STYK1: variants seen among roughly 807,000 people sequenced by gnomAD.
STYK1 encodes the protein STY kinase 1.
STYK1 carries 46 observed loss-of-function variants against 48.1 expected under a neutral mutation model. The ratio of observed to expected loss-of-function variants is 0.96; its 90% CI spans 0.75 to 1.22. STYK1 has a LOEUF of 1.22. STYK1 is among the 50% of genes most tolerant of loss of function. The pLI, the probability that STYK1 is intolerant of heterozygous loss-of-function variation, is 0.00. For missense variants in STYK1, 527 were observed against 521.1 expected (o/e 1.01, Z -0.11); for synonymous variants, 188 against 189.0 (o/e 0.99, Z 0.04).
chr12:10,637,824 A>G (rs1947502776), intron 1 of STYK1, among the ~76,000 whole-genome samples: 1 of 152,250 alleles, frequency 6.6e-6, no homozygotes, highest in Admixed American at 6.5e-5. Context: ...CAGAAACCAC[A>G]TGGCTTTGCC....
rs996313222 is a variant in STYK1, at chr12:10,644,648, T to TA, written c.-194-7453dup. ...ATTTTTTGGATTACAGTAGTGACAG[T>TA]AAAAAAAAGAAAAATAATGGATTGG... On this transcript the variant is annotated intron_variant, in intron 1 of 10. Transcript: ENST00000075503. Among the ~76,000 whole-genome samples the TA allele has an allele frequency of 2.1e-4, 32 of 151,768 alleles. No individual in the cohort carries two copies. In the East Asian group the frequency reaches 2.1e-3, roughly 10 times the overall value.
At chr12:10,660,706 C>T (rs924035625) in intron 1 of STYK1, among the ~76,000 whole-genome samples, 29 of 152,298 alleles carry the variant, frequency 1.9e-4, no homozygotes, top group African/African-American at 6.5e-4. Context: ...GACCTCTGGT[C>T]ATCCTCATTG....
chr12:10,623,141 G>A (rs1947316303), intron 8 of STYK1, among the ~76,000 whole-genome samples: 1 of 149,196 alleles, frequency 6.7e-6, no homozygotes, highest in African/African-American at 2.6e-5. Flanking sequence ...CCAAACCTAG[G>A]AAAAATATTA....
At chr12:10,632,618 G>A (rs749128332) in intron 4 of STYK1, among the ~76,000 whole-genome samples, 38 of 152,176 alleles carry the variant, frequency 2.5e-4, no homozygotes, top group Non-Finnish European at 1.3e-4. Context: ...AGGACTGACT[G>A]TATTAAAAGA....
At chr12:10,632,891 A>T (rs1329904353) in intron 4 of STYK1, among the ~76,000 whole-genome samples, 2 of 151,482 alleles carry the variant, frequency 1.3e-5, no homozygotes, top group African/African-American at 2.4e-5. Flanking sequence ...AGAAGACAGG[A>T]CTTGCCATTT....
intron 1 of STYK1, among the ~76,000 whole-genome samples, chr12:10,651,222 G>A (rs1331600916): frequency 6.6e-6 from 1 of 152,092 alleles, no homozygotes; most frequent in African/African-American, 2.4e-5. Context: ...GCGAAATGCT[G>A]GGCTCACTCA....
chr12:10,645,008 T>G (rs527509091), intron 1 of STYK1, among the ~76,000 whole-genome samples: 2 of 151,698 alleles, frequency 1.3e-5, no homozygotes, highest in South Asian at 4.2e-4. Flanking sequence ...TTCCAACGGA[T>G]AAGGGCTACA....
intron 1 of STYK1, among the ~76,000 whole-genome samples, chr12:10,669,588 AT>A (rs1343782920): frequency 6.6e-6 from 1 of 152,210 alleles, no homozygotes; most frequent in East Asian, 1.9e-4. Flanking sequence ...TTTTTTGGAC[AT>A]AAACCCAAAA....
chr12:10,621,961 A>G lies in STYK1; in HGVS notation c.979T>C (p.Tyr327His). 6.2e-7 allele frequency: 1 copy of G among 1,613,796 alleles called. No individual in the cohort carries two copies. Among genetic ancestry groups the G allele is most frequent in the Non-Finnish European group, 8.5e-7 (1 of 1,179,726 alleles). ...ATGCTGGTAGGAGGGACTTCAGGAT[A>G]CGGTGGTGCTCCTGTCATTACGAAA... is the stretch of plus-strand genomic sequence containing the variant. ...YEMVTLGAPP[Y>H]PEVPPTSILE... The change falls in exon 10 of 11, where the codon TAT becomes CAT. Residue 327 changes from tyrosine (Y) to histidine (H), a missense_variant. By Grantham distance (83) the Tyr-to-His change is moderately conservative. Coordinates refer to ENST00000075503, the MANE Select transcript of STYK1 (RefSeq NM_018423.3).
chr12:10,625,429 G>A (rs1474957440), intron 7 of STYK1, among the ~76,000 whole-genome samples: 1 of 152,110 alleles, frequency 6.6e-6, no homozygotes, highest in African/African-American at 2.4e-5. Flanking sequence ...ATGTTAGCCA[G>A]GATGGTCTCG....
rs33946697 is a variant in STYK1 at position 10,653,239 on chromosome 12, A to ATTTT, written c.-194-16047_-194-16044dup. Among the ~76,000 whole-genome samples the ATTTT allele has an allele frequency of 3.8e-3, 566 of 150,658 alleles. 1 individual carries two copies. The highest frequency in any genetic ancestry group is 6.0e-3 in the Admixed American group (91 of 15,162). On this transcript the variant is annotated intron_variant, in intron 1 of 10. Transcript: ENST00000075503. ...AGGTGCCCACCACCATGCCCAGCTA[A>ATTTT]TTTTTTTTTGTATTTTTTAGTAGGG...
rs188630604 is a variant in STYK1 at position 10,650,882 on chromosome 12, G to T, written c.-194-13686C>A. 6.6e-4 allele frequency among the ~76,000 whole-genome samples: 100 copies of T among 152,104 alleles called. 1 individual carries two copies. The highest frequency in any genetic ancestry group is 2.3e-3 in the African/African-American group (96 of 41,482). ...TAGCCGGGCGTGGTGGCACACACCTGTAGTCTCAGCTACTCAGGAGGCTGA... is the reference window on the plus strand; with the variant it reads ...TAGCCGGGCGTGGTGGCACACACCTTTAGTCTCAGCTACTCAGGAGGCTGA... On this transcript the variant is annotated intron_variant, in intron 1 of 10. Coordinates refer to ENST00000075503, the MANE Select transcript of STYK1 (RefSeq NM_018423.3).
intron 6 of STYK1, among the ~76,000 whole-genome samples, chr12:10,629,023 A>G (rs1483979634): frequency 2.0e-5 from 3 of 152,162 alleles, no homozygotes; most frequent in Non-Finnish European, 4.4e-5. Flanking sequence ...ATGTTTTCAC[A>G]TACATAATTT....
In STYK1 at chr12:10,672,552, T is replaced by C. The variant is rs912704006; in HGVS notation, c.-195+1414A>G. Among the ~76,000 whole-genome samples, 10 of 152,164 alleles carry C rather than the reference T, an allele frequency of 6.6e-5. No homozygotes were observed. Among genetic ancestry groups the C allele is most frequent in the African/African-American group, 2.4e-4 (10 of 41,432 alleles). On this transcript the variant is annotated intron_variant, in intron 1 of 10. Transcript: ENST00000075503. This position sits in a 1 kb window ranked among gnomAD's most constrained non-coding sequence, Gnocchi z 4.0. ...CGTGCCCACTAGCATTAGATTGTCA[T>C]AGGAGCGTGAACCCTATTGTGAACT...
chr12:10,633,894 G>C, intron 4 of STYK1, 96 bp downstream of exon 4: 4 of 1,451,494 alleles, frequency 2.8e-6, no homozygotes, highest in Non-Finnish European at 3.7e-6. Context: ...CAGGTACCTA[G>C]ACTTCTAGAC....
chr12:10,640,382 G>T (rs1329291694), intron 1 of STYK1, among the ~76,000 whole-genome samples: 1 of 152,172 alleles, frequency 6.6e-6, no homozygotes, highest in Non-Finnish European at 1.5e-5. Flanking sequence ...CCAGAGAAGC[G>T]TATTTGTGTA....
chr12:10,642,765 A>C (rs1947559294), intron 1 of STYK1, among the ~76,000 whole-genome samples: 1 of 152,240 alleles, frequency 6.6e-6, no homozygotes, highest in African/African-American at 2.4e-5. Flanking sequence ...AGATATCTGA[A>C]TTTAACAATC....
intron 4 of STYK1, 39 bp from the exon 5 acceptor site, chr12:10,631,347 C>T: frequency 6.3e-7 from 1 of 1,597,596 alleles, no homozygotes; most frequent in South Asian, 1.1e-5. Flanking sequence ...TTTTCCCCGC[C>T]CTGGGGATCC....
chr12:10,629,040 T>C (rs1313048855), intron 6 of STYK1, among the ~76,000 whole-genome samples: 1 of 152,204 alleles, frequency 6.6e-6, no homozygotes, highest in Non-Finnish European at 1.5e-5. Flanking sequence ...ATTTCTTGTA[T>C]TTTTTGTAAT....
Sources: gnomAD v4.1 joint callset for allele counts (sites outside exome capture counted in the v4.1 genomes callset) on GRCh38, gnomAD v4.1.1 for gene constraint, Gnocchi (gnomAD v3.1) non-coding constraint, MANE v1.5 for transcripts, NCBI Gene and HGNC (gene_info 2026-07-23, HGNC 2026-07-21) for gene names.